PCDHA1: variants seen among roughly 807,000 people sequenced by gnomAD.
PCDHA1 encodes the protein protocadherin alpha-1.
In PCDHA1, 42 loss-of-function variants were observed where a neutral mutation model predicts 61.3. The ratio of observed to expected loss-of-function variants is 0.69; its 90% CI spans 0.54 to 0.89. The LOEUF (loss-of-function observed/expected upper bound fraction) is 0.89. PCDHA1 is among the 40% of genes least tolerant of loss of function. The probability of loss-of-function intolerance (pLI) is 0.00; values close to 1 mark genes in which losing one functional copy is unlikely to be tolerated. For missense variants in PCDHA1, 1,256 were observed against 1,235.3 expected, an observed-to-expected ratio of 1.02 and a Z score of -0.25; for synonymous variants, 610 against 553.8, an observed-to-expected ratio of 1.10 and a Z score of -1.43.
chr5:140,980,465 A>G (rs1170047538), intron 2 of PCDHA1, among the ~76,000 whole-genome samples: 4 of 152,184 alleles, frequency 2.6e-5, no homozygotes, highest in African/African-American at 9.7e-5. Flanking sequence ...CCCTGTCTCT[A>G]CTAAAAATAC....
chr5:140,803,144 G>C (rs782254841), intron 1 of PCDHA1: 12 of 1,613,880 alleles, frequency 7.4e-6, no homozygotes, highest in Non-Finnish European at 1.0e-5. Flanking sequence ...GCCTACTGGT[G>C]CTGGTGAAGG....
At chr5:140,976,753 G>A (rs2096729890) in intron 1 of PCDHA1, among the ~76,000 whole-genome samples, 1 of 152,130 alleles carries the variant, frequency 6.6e-6, no homozygotes. Context: ...CCTCCCAGAT[G>A]CCAGAAGCCT....
intron 1 of PCDHA1, among the ~76,000 whole-genome samples, chr5:140,944,623 T>C (rs535315515): frequency 6.6e-6 from 1 of 152,320 alleles, no homozygotes; most frequent in East Asian, 1.9e-4. Flanking sequence ...AGAAGTATAG[T>C]GTTGTAAGCC....
intron 1 of PCDHA1, among the ~76,000 whole-genome samples, chr5:140,905,145 T>C (rs1264141592): frequency 1.3e-5 from 2 of 152,252 alleles, no homozygotes; most frequent in African/African-American, 4.8e-5. Context: ...TCTGCTGTTA[T>C]ATTTTAGAAT....
rs1342551274 is a variant in PCDHA1, at chr5:140,871,604, T to C, written c.2394+82920T>C. 4 of 1,443,096 alleles carry C rather than the reference T, an allele frequency of 2.8e-6. No homozygotes were observed. In the African/African-American group the frequency reaches 4.3e-5, roughly 16 times the overall value. The allele number at this position is 1,443,096 out of a possible 1,614,324, so 89.4% of individuals were successfully genotyped here. A position where few individuals can be genotyped will look rare whatever the true frequency, so the allele number is the denominator to read the frequency against. On this transcript the variant is annotated intron_variant, in intron 1 of 3. Coordinates refer to ENST00000504120, the MANE Select transcript of PCDHA1 (RefSeq NM_018900.4). The stretch of plus-strand genomic sequence containing the variant: ...AAAGTTTTATGAATAACCAGTGTTT[T>C]GAATATTGTTTTAGATAACAATGTC...
chr5:140,816,987 C>G (rs1766040659), intron 1 of PCDHA1: 2 of 152,022 alleles, frequency 1.3e-5, no homozygotes, highest in Non-Finnish European at 2.9e-5. Context: ...AATTCAGGAA[C>G]TTTGGATGCA....
intron 1 of PCDHA1, chr5:140,802,519 T>C: frequency 6.2e-7 from 1 of 1,614,158 alleles, no homozygotes; most frequent in Non-Finnish European, 8.5e-7. Flanking sequence ...ACGGCCAGCG[T>C]GTCCGTGGAG....
chr5:141,007,435 G>A (rs1342767950), intron 3 of PCDHA1, among the ~76,000 whole-genome samples: 1 of 150,972 alleles, frequency 6.6e-6, no homozygotes, highest in Non-Finnish European at 1.5e-5. Flanking sequence ...AGGCATGGTG[G>A]CATGTGCCTG....
intron 1 of PCDHA1, chr5:140,877,686 G>T (rs1554169986): frequency 6.2e-7 from 1 of 1,613,818 alleles, no homozygotes; most frequent in Non-Finnish European, 8.5e-7. Flanking sequence ...GCAAGCCCAC[G>T]CTGGTGTGCT....
intron 1 of PCDHA1, among the ~76,000 whole-genome samples, chr5:140,831,935 G>C (rs1470803864): frequency 6.6e-6 from 1 of 152,098 alleles, no homozygotes; most frequent in Admixed American, 6.6e-5. Flanking sequence ...CTAGTTTTCC[G>C]AAGAGGAAAA....
At chr5:140,811,800 T>C (rs1266055715) in intron 1 of PCDHA1, 5 of 152,238 alleles carry the variant, frequency 3.3e-5, no homozygotes, top group African/African-American at 9.6e-5. Flanking sequence ...AATGTCTTCT[T>C]TTGAGAAGTG....
chr5:140,882,059 A>C, intron 1 of PCDHA1: 1 of 799,024 alleles, frequency 1.3e-6, no homozygotes, highest in Non-Finnish European at 1.9e-6. Flanking sequence ...TTACACTTAC[A>C]CGTTCATGCG....
At chr5:140,854,204 A>G in intron 1 of PCDHA1, 1 of 510,702 alleles carries the variant, frequency 2.0e-6, no homozygotes, top group Non-Finnish European at 2.5e-6. Flanking sequence ...CCTACTTTTT[A>G]TTCAATATTG....
intron 1 of PCDHA1, chr5:140,968,016 A>G: frequency 6.2e-7 from 1 of 1,613,240 alleles, no homozygotes; most frequent in Non-Finnish European, 8.5e-7. Flanking sequence ...GGCTTTGGAA[A>G]CTCCTATACA....
chr5:141,000,805 G>C (rs1049253262), intron 3 of PCDHA1, among the ~76,000 whole-genome samples: 2 of 151,852 alleles, frequency 1.3e-5, no homozygotes, highest in Non-Finnish European at 2.9e-5. Context: ...TACTCAGAAG[G>C]CTGAGGTGGG....
At chr5:140,882,424 G>A in intron 1 of PCDHA1, 1 of 1,614,114 alleles carries the variant, frequency 6.2e-7, no homozygotes, top group Non-Finnish European at 8.5e-7. Context: ...CTCAGGACCT[G>A]GGGCTGGAGC....
intron 1 of PCDHA1, chr5:140,862,299 T>C: frequency 3.7e-6 from 1 of 273,624 alleles, no homozygotes; most frequent in Non-Finnish European, 7.2e-6. Flanking sequence ...GACGCTCCAC[T>C]GGGTACCGTC....
chr5:140,977,314 C>T (rs905353961), intron 1 of PCDHA1, among the ~76,000 whole-genome samples: 1 of 152,152 alleles, frequency 6.6e-6, no homozygotes, highest in Non-Finnish European at 1.5e-5. Context: ...AACGATAGTG[C>T]TCCTGATGGC....
Position 140,787,483 on chromosome 5 carries a change from T to G in PCDHA1, c.1193T>G (p.Val398Gly). The G allele has an allele frequency of 1.2e-6, 2 of 1,614,198 alleles. No individual in the cohort carries two copies. Among genetic ancestry groups the G allele is most frequent in the Non-Finnish European group, 1.7e-6 (2 of 1,180,026 alleles). Reference sequence around the variant, plus strand: ...ATGCCCCACGTCCCCTTCAAGCTGGTGTCCACCTTCAAGAATTACTACTCG... The same window carrying G: ...ATGCCCCACGTCCCCTTCAAGCTGGGGTCCACCTTCAAGAATTACTACTCG... ...SLMPHVPFKL[V>G]STFKNYYSLV... The change falls in exon 1 of 4, where the codon GTG becomes GGG. Residue 398 changes from valine (V) to glycine (G), a missense_variant. Val to Gly is a moderately radical substitution (Grantham distance 109). Coordinates refer to ENST00000504120, the MANE Select transcript of PCDHA1 (RefSeq NM_018900.4).
Sources: allele counts gnomAD v4.1 joint callset (sites outside exome capture counted in the v4.1 genomes callset), GRCh38; gene constraint gnomAD v4.1.1; transcripts MANE v1.5; gene names NCBI Gene and HGNC (gene_info 2026-07-23, HGNC 2026-07-21).